UPP2: variants seen among roughly 807,000 people sequenced by gnomAD.
UPP2 encodes uridine phosphorylase 2.
In UPP2, 23 loss-of-function variants were observed where a neutral mutation model predicts 26.7. The observed-to-expected ratio is 0.86, with a 90% CI of 0.62 to 1.22. The LOEUF (loss-of-function observed/expected upper bound fraction) is 1.22. Among genes scored for constraint, UPP2 ranks in the 50% most tolerant of loss-of-function variants. UPP2 has a pLI of 0.00. For missense variants in UPP2, 387 were observed against 396.7 expected (o/e 0.98, Z 0.21); for synonymous variants, 127 against 141.3 (o/e 0.90, Z 0.72).
At chr2:158,068,282 T>A (rs1197225921) in intron 3 of UPP2, among the ~76,000 whole-genome samples, 1 of 152,200 alleles carries the variant, frequency 6.6e-6, no homozygotes, top group Non-Finnish European at 1.5e-5. Context: ...GGTTTTGTTT[T>A]AGGAGATTTT....
intron 3 of UPP2, among the ~76,000 whole-genome samples, chr2:158,074,218 C>G (rs1165361245): frequency 6.6e-6 from 1 of 152,070 alleles, no homozygotes; most frequent in African/African-American, 2.4e-5. Context: ...AAAGAAAATA[C>G]ATCATCTGAA....
intron 3 of UPP2, among the ~76,000 whole-genome samples, chr2:158,096,647 A>T (rs565694434): frequency 5.6e-4 from 86 of 152,276 alleles, no homozygotes; most frequent in African/African-American, 2.0e-3. Flanking sequence ...GGCCATCAAT[A>T]GGAGAATGGA....
chr2:158,135,405 C>T lies in UPP2; in HGVS notation c.*515C>T, dbSNP rs1683911840. ...AAATATGGCCATACTGCTTTTTTAC[C>T]CCTGCACTATTTCAGTGCACCACAG... On this transcript the variant is annotated 3_prime_UTR_variant, in exon 7 of 7. Transcript: ENST00000005756. 6.6e-6 allele frequency: 1 copy of T among 152,238 alleles called. No homozygotes were observed. Among genetic ancestry groups the T allele is most frequent in the Non-Finnish European group, 1.5e-5 (1 of 68,116 alleles). 9.4% of individuals were successfully genotyped at this position (152,238 alleles called of 1,614,324 possible).
intron 3 of UPP2, among the ~76,000 whole-genome samples, chr2:158,023,375 G>A (rs1683786026): frequency 6.6e-6 from 1 of 152,172 alleles, no homozygotes; most frequent in Admixed American, 6.5e-5. Context: ...GCTACAAACA[G>A]CAAAGGCTTA....
chr2:158,032,965 A>G (rs951166460), intron 3 of UPP2, among the ~76,000 whole-genome samples: 4 of 152,064 alleles, frequency 2.6e-5, no homozygotes, highest in Admixed American at 6.5e-5. Flanking sequence ...ACAGGCTTTT[A>G]GGGGGAAATT....
At chr2:158,018,177 C>G (rs1216304156) in intron 3 of UPP2, among the ~76,000 whole-genome samples, 1 of 152,194 alleles carries the variant, frequency 6.6e-6, no homozygotes, top group East Asian at 1.9e-4. Flanking sequence ...TAAGCATTAT[C>G]CAAAGGACAC....
In UPP2 at chr2:158,121,403, T is replaced by C; in HGVS notation, c.455-6T>C. ...TCTTCTGTAATCATTTATTCCCACA[T>C]TGCAGGGATTGCACCAGGGACTGTT... On this transcript the variant is annotated splice_region_variant and splice_polypyrimidine_tract_variant and intron_variant, in intron 4 of 6. Coordinates refer to ENST00000005756, the MANE Select transcript of UPP2 (RefSeq NM_173355.4). The C allele has an allele frequency of 1.9e-6, 3 of 1,609,016 alleles. No individual in the cohort carries two copies. The highest frequency in any genetic ancestry group is 1.7e-4 in the Middle Eastern group (1 of 6,058).
At chr2:158,013,986 T>C (rs1683619935) in intron 2 of UPP2, among the ~76,000 whole-genome samples, 1 of 152,224 alleles carries the variant, frequency 6.6e-6, no homozygotes, top group East Asian at 1.9e-4. Flanking sequence ...GGCAGAAGCC[T>C]GCTTCTGCAG....
chr2:158,045,469 T>C (rs1260106886), intron 3 of UPP2, among the ~76,000 whole-genome samples: 1 of 152,104 alleles, frequency 6.6e-6, no homozygotes, highest in African/African-American at 2.4e-5. Flanking sequence ...AACATCCAGG[T>C]AATTTGGGGT....
intron 3 of UPP2, among the ~76,000 whole-genome samples, chr2:158,032,465 A>G (rs1220445679): frequency 1.3e-5 from 2 of 152,134 alleles, no homozygotes; most frequent in African/African-American, 4.8e-5. Context: ...GCCTACATGA[A>G]AATATAAGCA....
intron 2 of UPP2, among the ~76,000 whole-genome samples, chr2:158,114,304 G>A (rs1477485504): frequency 5.9e-5 from 9 of 152,076 alleles, no homozygotes; most frequent in Admixed American, 1.3e-4. Context: ...TTGCTGACCC[G>A]TAGTGCTTCT....
rs1051287754 is a variant in UPP2, at chr2:158,115,105, T to C, written c.185T>C (p.Val62Ala). The C allele has an allele frequency of 3.1e-6, 5 of 1,601,982 alleles. No individual in the cohort carries two copies. The African/African-American group carries it at 6.8e-5, about 22-fold the overall frequency. The change falls in exon 3 of 7, where the codon GTC (valine) becomes GCC (alanine). Residue 62 changes from valine (V) to alanine (A), a missense_variant. Physicochemically the swap from Val to Ala is moderately conservative, Grantham distance 64. Coordinates refer to ENST00000005756, the MANE Select transcript of UPP2 (RefSeq NM_173355.4). The part of the protein sequence containing the change: ...LPAMFGDVKF[V>A]CVGGSPNRMK... ...CTTGTTTATTTTTATTAACAGTTTGTCTGTGTCGGTGGGAGCCCCAACAGA... is the reference window on the plus strand; with the variant it reads ...CTTGTTTATTTTTATTAACAGTTTGCCTGTGTCGGTGGGAGCCCCAACAGA...
chr2:158,073,503 A>C (rs1682577086), intron 3 of UPP2, among the ~76,000 whole-genome samples: 1 of 152,208 alleles, frequency 6.6e-6, no homozygotes, highest in Admixed American at 6.5e-5. Flanking sequence ...TAGAACACCA[A>C]GCAGATTTAA....
intron 3 of UPP2, among the ~76,000 whole-genome samples, chr2:158,020,206 G>A (rs913201744): frequency 2.0e-5 from 3 of 152,166 alleles, no homozygotes; most frequent in Admixed American, 6.5e-5. Context: ...GAGTGTTTTC[G>A]AAGTGTTTGA....
chr2:158,075,166 A>G (rs573303611), intron 3 of UPP2, among the ~76,000 whole-genome samples: 1 of 152,146 alleles, frequency 6.6e-6, no homozygotes, highest in Non-Finnish European at 1.5e-5. Context: ...ACCCCAATAC[A>G]GTAATAGCTG....
At chr2:158,083,828 A>G (rs1682768296) in intron 3 of UPP2, among the ~76,000 whole-genome samples, 1 of 148,750 alleles carries the variant, frequency 6.7e-6, no homozygotes, top group Non-Finnish European at 1.5e-5. Flanking sequence ...ACACGTATAT[A>G]TAGACATATG....
intron 6 of UPP2, among the ~76,000 whole-genome samples, chr2:158,130,588 GT>G (rs1231753621): frequency 6.6e-6 from 1 of 152,160 alleles, no homozygotes; most frequent in Non-Finnish European, 1.5e-5. Context: ...ATAATGGGCA[GT>G]GTCGTTGATA....
intron 3 of UPP2, among the ~76,000 whole-genome samples, chr2:158,049,957 T>C (rs887953599): frequency 7.2e-5 from 11 of 152,230 alleles, no homozygotes; most frequent in African/African-American, 2.7e-4. Context: ...CCCATTACCA[T>C]TTGAAATAAA....
chr2:158,121,323 A>T, intron 4 of UPP2, 86 bp from the exon 5 acceptor site: 1 of 1,203,918 alleles, frequency 8.3e-7, no homozygotes. Context: ...AGCAGCTAGC[A>T]TTAATACTAG....
Sources: gnomAD v4.1 joint callset for allele counts (sites outside exome capture counted in the v4.1 genomes callset) on GRCh38, gnomAD v4.1.1 for gene constraint, MANE v1.5 for transcripts, NCBI Gene and HGNC (gene_info 2026-07-23, HGNC 2026-07-21) for gene names.